The following MECOM variants were observed in gnomAD, a reference collection of about 807,000 sequenced individuals.
MECOM encodes MDS1 and EVI1 complex locus.
In MECOM, 13 loss-of-function variants were observed where a neutral mutation model predicts 116.3. The observed-to-expected ratio is 0.11, with a 90% CI of 0.07 to 0.18. The LOEUF (loss-of-function observed/expected upper bound fraction) is 0.18. Among genes scored for constraint, MECOM ranks in the 10% least tolerant of loss-of-function variants. The probability of loss-of-function intolerance (pLI) is 1.00; values close to 1 mark genes in which losing one functional copy is unlikely to be tolerated. For missense variants in MECOM, 1,299 were observed against 1,509.0 expected (o/e 0.86, Z 2.31); for synonymous variants, 528 against 535.2 (o/e 0.99, Z 0.19).
chr3:169,243,988 GC>G (rs1755228057), intron 2 of MECOM, among the ~76,000 whole-genome samples: 1 of 152,266 alleles, frequency 6.6e-6, no homozygotes, highest in African/African-American at 2.4e-5. Context: ...TATTTACAAG[GC>G]TTCTGCAAAC....
intron 2 of MECOM, among the ~76,000 whole-genome samples, chr3:169,244,783 A>G (rs1362292169): frequency 1.3e-5 from 2 of 152,238 alleles, no homozygotes; most frequent in African/African-American, 4.8e-5. Context: ...AAGCAAAGAA[A>G]TAGTAACTTC....
chr3:169,598,395 A>T (rs1767401511), intron 1 of MECOM, among the ~76,000 whole-genome samples: 1 of 152,260 alleles, frequency 6.6e-6, no homozygotes, highest in Admixed American at 6.5e-5. Flanking sequence ...AAAAATATAC[A>T]TCTGCCAATA....
chr3:169,239,524 G>A (rs1754511494), intron 2 of MECOM, among the ~76,000 whole-genome samples: 1 of 151,756 alleles, frequency 6.6e-6, no homozygotes, highest in African/African-American at 2.4e-5. Flanking sequence ...TAACTATTTA[G>A]AAATATAAGT....
intron 1 of MECOM, among the ~76,000 whole-genome samples, chr3:169,589,984 T>A (rs1766213222): frequency 6.6e-6 from 1 of 152,214 alleles, no homozygotes; most frequent in Non-Finnish European, 1.5e-5. Flanking sequence ...TCACTTTCCC[T>A]TTTATTCAGC....
chr3:169,539,292 G>A (rs746684338), intron 1 of MECOM, among the ~76,000 whole-genome samples: 3 of 152,098 alleles, frequency 2.0e-5, no homozygotes, highest in Non-Finnish European at 4.4e-5. Context: ...ATCCTCAAAA[G>A]ATTTTATTAA....
intron 2 of MECOM, among the ~76,000 whole-genome samples, chr3:169,260,533 G>A (rs916196661): frequency 1.3e-5 from 2 of 151,100 alleles, no homozygotes; most frequent in African/African-American, 4.9e-5. Flanking sequence ...TCTGCGAAAA[G>A]TAAGCCTACC....
At chr3:169,613,894 T>C (rs1463947992) in intron 1 of MECOM, 1 of 152,200 alleles carries the variant, frequency 6.6e-6, no homozygotes, top group Non-Finnish European at 1.5e-5. Context: ...GGCTCAGTCT[T>C]AGCCCCTTGT....
At chr3:169,485,889 A>G (rs1350561323) in intron 1 of MECOM, among the ~76,000 whole-genome samples, 1 of 107,044 alleles carries the variant, frequency 9.3e-6, no homozygotes, top group African/African-American at 3.4e-5. Flanking sequence ...ATATATGTAT[A>G]TATAGTATAT....
intron 2 of MECOM, among the ~76,000 whole-genome samples, chr3:169,159,290 T>C (rs1482260460): frequency 6.6e-6 from 1 of 152,166 alleles, no homozygotes; most frequent in Non-Finnish European, 1.5e-5. Flanking sequence ...GCCAGGCATG[T>C]TCATGCCTGT....
intron 1 of MECOM, among the ~76,000 whole-genome samples, chr3:169,644,872 C>A (rs905278164): frequency 1.3e-5 from 2 of 152,154 alleles, no homozygotes; most frequent in Admixed American, 1.3e-4. Context: ...GTGGGCCCTT[C>A]AGGTGTCCAA....
At chr3:169,266,049 T>C (rs1284214238) in intron 2 of MECOM, among the ~76,000 whole-genome samples, 1 of 152,202 alleles carries the variant, frequency 6.6e-6, no homozygotes, top group African/African-American at 2.4e-5. Context: ...CAGGGTGTTA[T>C]TTATGAGGCA....
At chr3:169,440,262 T>C (rs1743378971) in intron 1 of MECOM, among the ~76,000 whole-genome samples, 1 of 152,092 alleles carries the variant, frequency 6.6e-6, no homozygotes, top group African/African-American at 2.4e-5. Context: ...AATAAAATAA[T>C]AATAATTAAG....
Position 169,145,189 on chromosome 3 carries a change from CAGAG to C in MECOM, c.376-1361_376-1358del, listed in dbSNP as rs796834184. Reference sequence around the variant, plus strand: ...ACACACACACACACACACACACACACAGAGAGAAATCAAACTCTTCTTTTTCAAG... The same window carrying C: ...ACACACACACACACACACACACACACAGAAATCAAACTCTTCTTTTTCAAG... On this transcript the variant is annotated intron_variant, in intron 2 of 16. Transcript: ENST00000651503. 8.6e-3 allele frequency: 883 copies of C among 102,950 alleles called. 12 individuals carry two copies. The highest frequency in any genetic ancestry group is 0.085 in the African/African-American group (543 of 6,406). The allele number at this position is 102,950 out of a possible 1,614,324, so 6.4% of individuals were successfully genotyped here. A position where few individuals can be genotyped will look rare whatever the true frequency, so the allele number is the denominator to read the frequency against.
intron 1 of MECOM, among the ~76,000 whole-genome samples, chr3:169,581,376 T>A (rs546635844): frequency 4.6e-5 from 7 of 152,260 alleles, no homozygotes; most frequent in Admixed American, 1.3e-4. Flanking sequence ...TCCTCCACCA[T>A]CAAACCCTAC....
rs1054513569 is a variant in MECOM at position 169,084,846 on chromosome 3, G to A, written c.*63C>T. On this transcript the variant is annotated 3_prime_UTR_variant, in exon 17 of 17. Transcript: ENST00000651503. Reference sequence around the variant, plus strand: ...ATTCTGCTCAGCAGTCTTGTAAATAGTCCTATATGAAAGAGCCATGCTACT... The same window carrying A: ...ATTCTGCTCAGCAGTCTTGTAAATAATCCTATATGAAAGAGCCATGCTACT... The A allele has an allele frequency of 5.0e-6, 8 of 1,598,076 alleles. No homozygotes were observed. The African/African-American group carries it at 1.1e-4, about 21-fold the overall frequency.
intron 2 of MECOM, among the ~76,000 whole-genome samples, chr3:169,278,241 A>G (rs1472751959): frequency 6.6e-6 from 1 of 152,184 alleles, no homozygotes; most frequent in Non-Finnish European, 1.5e-5. Context: ...AAGCCTCCTG[A>G]CATTCCTGGG....
At chr3:169,308,474 G>C (rs1718115751) in intron 2 of MECOM, among the ~76,000 whole-genome samples, 1 of 152,160 alleles carries the variant, frequency 6.6e-6, no homozygotes, top group Non-Finnish European at 1.5e-5. Context: ...TTGTACACAA[G>C]GGCTGCTCTA....
At chr3:169,504,700 C>T (rs1011487785) in intron 1 of MECOM, among the ~76,000 whole-genome samples, 7 of 152,074 alleles carry the variant, frequency 4.6e-5, no homozygotes, top group African/African-American at 7.2e-5. Flanking sequence ...ATAGCAATGA[C>T]AAGTGAATGA....
At chr3:169,207,469 T>A (rs1320051225) in intron 2 of MECOM, among the ~76,000 whole-genome samples, 4 of 152,312 alleles carry the variant, frequency 2.6e-5, no homozygotes, top group Non-Finnish European at 5.9e-5. Flanking sequence ...AATATAGATA[T>A]AAGAAAAGAT....
Sources: allele counts gnomAD v4.1 joint callset (sites outside exome capture counted in the v4.1 genomes callset), GRCh38; gene constraint gnomAD v4.1.1; transcripts MANE v1.5; gene names NCBI Gene and HGNC (gene_info 2026-07-23, HGNC 2026-07-21).